ACOT7: variants seen among roughly 807,000 people sequenced by gnomAD.
ACOT7 encodes cytosolic acyl coenzyme A thioester hydrolase.
A neutral mutation model predicts 40.2 loss-of-function variants in ACOT7; 12 were observed. The observed-to-expected ratio is 0.30, with a 90% confidence interval of 0.19 to 0.48. The LOEUF (loss-of-function observed/expected upper bound fraction) is 0.48, where lower values mean the gene tolerates loss of function less well. ACOT7 is among the 20% of genes least tolerant of loss of function. The probability of loss-of-function intolerance (pLI) is 0.99; values close to 1 mark genes in which losing one functional copy is unlikely to be tolerated. For missense variants in ACOT7, 395 were observed against 530.8 expected (o/e 0.74, Z 2.51); for synonymous variants, 228 against 219.5 (o/e 1.04, Z -0.34).
intron 1 of ACOT7, among the ~76,000 whole-genome samples, chr1:6,378,257 GTGTCTATGATCAGCATGCCCTC>G (rs201202672): frequency 0.021 from 3,197 of 151,590 alleles, 65 homozygotes; most frequent in African/African-American, 0.045. Context: ...GGGAGGGGCA[GTGTCTATGATCAGCATGCCCTC>G]TGCTGGTGGC....
At chr1:6,296,227 G>A (rs1350567504) in intron 6 of ACOT7, among the ~76,000 whole-genome samples, 2 of 152,078 alleles carry the variant, frequency 1.3e-5, no homozygotes, top group African/African-American at 2.4e-5. Context: ...TGTGGTATGT[G>A]GATCATCGTC....
At chr1:6,386,235 G>T (rs929577075) in intron 1 of ACOT7, among the ~76,000 whole-genome samples, 1 of 152,180 alleles carries the variant, frequency 6.6e-6, no homozygotes, top group Admixed American at 6.5e-5. Flanking sequence ...CAGGAGGGCC[G>T]AGGAAAATGC....
At chr1:6,391,356 A>G (rs1387230898) in intron 1 of ACOT7, among the ~76,000 whole-genome samples, 8 of 151,864 alleles carry the variant, frequency 5.3e-5, no homozygotes, top group Admixed American at 5.3e-4. Flanking sequence ...AAACACAAAA[A>G]TTAGCCAGGC....
chr1:6,344,784 A>G (rs1291099582), intron 2 of ACOT7, among the ~76,000 whole-genome samples: 1 of 148,470 alleles, frequency 6.7e-6, no homozygotes, highest in Non-Finnish European at 1.5e-5. Context: ...AAAAAAAAAA[A>G]AAAAAAGAAA....
chr1:6,334,715 G>A (rs1186493462), intron 3 of ACOT7, among the ~76,000 whole-genome samples: 1 of 152,214 alleles, frequency 6.6e-6, no homozygotes, highest in African/African-American at 2.4e-5. Flanking sequence ...GAGAAACAGA[G>A]GCTCGTGGCC....
At chr1:6,339,657 T>C (rs1434461744) in intron 2 of ACOT7, 68 bp from the exon 3 acceptor site, 3 of 1,563,764 alleles carry the variant, frequency 1.9e-6, no homozygotes, top group African/African-American at 1.4e-5. Flanking sequence ...ACCCAGGACA[T>C]GCCCCCTGGA....
At chr1:6,327,276 CT>C in intron 5 of ACOT7, 22 bp downstream of exon 5, 1 of 1,612,376 alleles carries the variant, frequency 6.2e-7, no homozygotes, top group Non-Finnish European at 8.5e-7. Context: ...GTGGCACCTG[CT>C]GCTGGTGTCC....
At chr1:6,296,942 T>A (rs1454316709) in intron 6 of ACOT7, among the ~76,000 whole-genome samples, 3 of 152,188 alleles carry the variant, frequency 2.0e-5, no homozygotes, top group Admixed American at 6.5e-5. Context: ...TTGCCAATAG[T>A]CAACAATATT....
intron 1 of ACOT7, among the ~76,000 whole-genome samples, chr1:6,368,747 T>C (rs1642068905): frequency 6.6e-6 from 1 of 152,162 alleles, no homozygotes; most frequent in Non-Finnish European, 1.5e-5. Context: ...TGCCTGGCTG[T>C]GCAAGGATGG....
chr1:6,264,783 C>G (rs1482839484), intron 8 of ACOT7, 88 bp from the exon 9 acceptor site: 6 of 1,391,094 alleles, frequency 4.3e-6, no homozygotes, highest in Admixed American at 2.0e-5. Flanking sequence ...CCCTGCCCCC[C>G]ACCCGTGGGA....
At chr1:6,292,335 G>A (rs751967651) in intron 7 of ACOT7, among the ~76,000 whole-genome samples, 4 of 152,268 alleles carry the variant, frequency 2.6e-5, no homozygotes, top group Non-Finnish European at 5.9e-5. Flanking sequence ...TTGGGACAGC[G>A]GGAATCAGGC....
chr1:6,378,255 C>T (rs1264344902), intron 1 of ACOT7, among the ~76,000 whole-genome samples: 2 of 150,400 alleles, frequency 1.3e-5, no homozygotes, highest in African/African-American at 4.9e-5. Context: ...GAGGGAGGGG[C>T]AGTGTCTATG....
Position 6,306,216 on chromosome 1 carries a change from G to T in ACOT7, c.713-11236C>A, listed in dbSNP as rs1238037211. The stretch of plus-strand genomic sequence containing the variant: ...GAGGGAGACCGTGGGGAGAGGGGGA[G>T]GGGGAGGGGGAGAGGGAGAGGACGT... On this transcript the variant is annotated intron_variant, in intron 6 of 8. Coordinates refer to ENST00000361521, the MANE Select transcript of ACOT7 (RefSeq NM_007274.4). This position sits in a 1 kb window ranked among gnomAD's most constrained non-coding sequence, Gnocchi z 4.3. 9.3e-6 allele frequency: 9 copies of T among 967,484 alleles called. No individual in the cohort carries two copies. Among genetic ancestry groups the T allele is most frequent in the Non-Finnish European group, 1.1e-5 (9 of 816,578 alleles). 59.9% of individuals were successfully genotyped at this position (967,484 alleles called of 1,614,324 possible).
At chr1:6,387,939 T>G (rs944830704) in intron 1 of ACOT7, among the ~76,000 whole-genome samples, 1 of 149,396 alleles carries the variant, frequency 6.7e-6, no homozygotes, top group African/African-American at 2.5e-5. Context: ...TCTTTGTTTT[T>G]TTTTTTTTCT....
intron 1 of ACOT7, chr1:6,385,829 C>G: frequency 7.1e-7 from 1 of 1,402,086 alleles, no homozygotes; most frequent in Non-Finnish European, 9.2e-7. Context: ...CCCCCACCAG[C>G]CCCCGGCAAG....
intron 1 of ACOT7, among the ~76,000 whole-genome samples, chr1:6,389,665 TC>T (rs1317883014): frequency 6.7e-6 from 1 of 150,168 alleles, no homozygotes; most frequent in East Asian, 2.0e-4. Context: ...GCGTGTGTAA[TC>T]CCAACTACTC....
chr1:6,334,386 C>T (rs541431407), intron 3 of ACOT7, among the ~76,000 whole-genome samples: 1 of 152,250 alleles, frequency 6.6e-6, no homozygotes, highest in African/African-American at 2.4e-5. Context: ...CCCATACAGA[C>T]GTGCAGGCTG....
rs1171499592 is a variant in ACOT7 at position 6,323,716 on chromosome 1, CAAAAAA to C, written c.625+3577_625+3582del. ...CTGGTCAACAGAGTGAGACTTGTCT[CAAAAAA>C]AAAAAAAAAAAAAAAATATATATAT... On this transcript the variant is annotated intron_variant, in intron 5 of 8. Coordinates refer to ENST00000361521, the MANE Select transcript of ACOT7 (RefSeq NM_007274.4). Among the ~76,000 whole-genome samples the C allele has an allele frequency of 2.8e-3, 194 of 69,018 alleles. 2 individuals carry two copies. The highest frequency in any genetic ancestry group is 9.5e-3 in the African/African-American group (177 of 18,616). The allele number at this position is 69,018 out of a possible 152,430, so 45.3% of individuals were successfully genotyped here. A position where few individuals can be genotyped will look rare whatever the true frequency, so the allele number is the denominator to read the frequency against.
chr1:6,381,161 G>C (rs1167407834), intron 1 of ACOT7, among the ~76,000 whole-genome samples: 2 of 151,682 alleles, frequency 1.3e-5, no homozygotes, highest in Non-Finnish European at 2.9e-5. Context: ...AACACCAAAA[G>C]CTATAGTCTT....
Sources: gnomAD v4.1 joint callset for allele counts (sites outside exome capture counted in the v4.1 genomes callset) on GRCh38, gnomAD v4.1.1 for gene constraint, Gnocchi (gnomAD v3.1) non-coding constraint, MANE v1.5 for transcripts, NCBI Gene and HGNC (gene_info 2026-07-23, HGNC 2026-07-21) for gene names.